Variants in SGCD observed in about 807,000 individuals in gnomAD.
SGCD encodes the protein delta-sarcoglycan.
In SGCD, 18 loss-of-function variants were observed where a neutral mutation model predicts 36.6. The observed-to-expected ratio is 0.49, with a 90% CI of 0.34 to 0.73. The LOEUF is 0.73. Among genes scored for constraint, SGCD ranks in the 30% least tolerant of loss-of-function variants. The pLI is 0.01. For synonymous variants in SGCD, 133 were observed against 130.6 expected, an observed-to-expected ratio of 1.02 and a Z score of -0.12; for missense variants, 387 against 346.7, an observed-to-expected ratio of 1.12 and a Z score of -0.92.
chr5:156,584,061 C>T (rs1253141722), intron 4 of SGCD, among the ~76,000 whole-genome samples: 18 of 152,128 alleles, frequency 1.2e-4, no homozygotes, highest in Admixed American at 1.0e-3. Flanking sequence ...TAGAAACAAA[C>T]GTTTTCTTAC....
In SGCD at chr5:155,932,002, A is replaced by G. The variant is rs551501802; in HGVS notation, c.-282+61578A>G. ...TGTGAAGATTCTCTCCCTGGCCTCT[A>G]TTGTAAGGGCACTAATCCAGTTAAT... On this transcript the variant is annotated intron_variant, in intron 1 of 9. Transcript: ENST00000517913. 2.0e-5 allele frequency among the ~76,000 whole-genome samples: 3 copies of G among 152,238 alleles called. No homozygotes were observed. In the East Asian group the frequency reaches 5.8e-4, roughly 29 times the overall value.
intron 1 of SGCD, among the ~76,000 whole-genome samples, chr5:155,889,009 T>G (rs1335192951): frequency 6.6e-6 from 1 of 152,228 alleles, no homozygotes; most frequent in Non-Finnish European, 1.5e-5. Context: ...GACTTTTTCC[T>G]TCTCTCTACG....
Position 156,757,569 on chromosome 5 carries a change from G to T in SGCD, c.576-12G>T. On this transcript the variant is annotated splice_polypyrimidine_tract_variant and intron_variant, in intron 7 of 8. Transcript: ENST00000337851. Reference sequence around the variant, plus strand: ...AAAGGGATCTTTATTGACGATCTTGGGTGTTTTTCAGGTTGGAGTCCCCAA... The same window carrying T: ...AAAGGGATCTTTATTGACGATCTTGTGTGTTTTTCAGGTTGGAGTCCCCAA... 1 of 1,529,892 alleles carries T rather than the reference G, an allele frequency of 6.5e-7. No individual in the cohort carries two copies. The highest frequency in any genetic ancestry group is 9.0e-7 in the Non-Finnish European group (1 of 1,112,282). The allele number at this position is 1,529,892 out of a possible 1,614,324, so 94.8% of individuals were successfully genotyped here.
intron 3 of SGCD, among the ~76,000 whole-genome samples, chr5:156,236,390 A>G (rs1316455307): frequency 6.6e-6 from 1 of 152,076 alleles, no homozygotes; most frequent in African/African-American, 2.4e-5. Context: ...TCTACTGATA[A>G]TTTTACACAT....
Position 156,461,637 on chromosome 5 carries a change from C to T in SGCD, c.193-46964C>T, listed in dbSNP as rs141291255. Among the ~76,000 whole-genome samples the T allele has an allele frequency of 2.0e-5, 3 of 151,952 alleles. No homozygotes were observed. In the East Asian group the frequency reaches 5.8e-4, roughly 29 times the overall value. ...TTTTCTCGGGTCCTTTCCCTTTTTA[C>T]TTATCAGGAAAGATAAGGACTCTAC... On this transcript the variant is annotated intron_variant, in intron 3 of 8. Transcript: ENST00000337851.
intron 1 of SGCD, among the ~76,000 whole-genome samples, chr5:155,959,477 C>A (rs978735427): frequency 5.3e-5 from 8 of 152,102 alleles, no homozygotes; most frequent in Non-Finnish European, 1.2e-4. Context: ...TTTGTGGAAT[C>A]TTTCTCTTTG....
chr5:156,300,555 C>T (rs868092958), intron 3 of SGCD, among the ~76,000 whole-genome samples: 1 of 152,016 alleles, frequency 6.6e-6, no homozygotes, highest in Non-Finnish European at 1.5e-5. Context: ...TGAGAATGAT[C>T]CATGTGGTGA....
the SGCD span, among the ~76,000 whole-genome samples, chr5:155,729,414 T>A: frequency 2.6e-5 from 4 of 152,028 alleles, no homozygotes; most frequent in Non-Finnish European, 5.9e-5. Context: ...ATTAAAGAAG[T>A]GTGTGTGTGA....
Position 156,350,247 on chromosome 5 carries a change from T to TTATATATATATATATA in SGCD, c.192+5572_192+5587dup, listed in dbSNP as rs59107352. 3.1e-3 allele frequency among the ~76,000 whole-genome samples: 294 copies of TTATATATATATATATA among 95,834 alleles called. 34 individuals carry two copies. Among genetic ancestry groups the TTATATATATATATATA allele is most frequent in the East Asian group, 0.012 (29 of 2,452 alleles). 62.9% of individuals were successfully genotyped at this position (95,834 alleles called of 152,430 possible). ...CTCTAAAGCTATTGAGGAAAAAAAA[T>TTATATATATATATATA]TATATATATATATATATGTACACAC... On this transcript the variant is annotated intron_variant, in intron 3 of 8. Transcript: ENST00000337851.
At chr5:156,204,706 G>T (rs1764232805) in intron 3 of SGCD, among the ~76,000 whole-genome samples, 1 of 152,056 alleles carries the variant, frequency 6.6e-6, no homozygotes, top group South Asian at 2.1e-4. Flanking sequence ...TTATATAGCT[G>T]CTCATATGGG....
intron 3 of SGCD, among the ~76,000 whole-genome samples, chr5:156,158,329 T>A (rs1485747738): frequency 6.6e-6 from 1 of 151,678 alleles, no homozygotes; most frequent in Non-Finnish European, 1.5e-5. Context: ...CTTTTTTCTG[T>A]GAAGTCAAAT....
At chr5:156,410,365 A>G (rs989110844) in intron 3 of SGCD, among the ~76,000 whole-genome samples, 9 of 151,918 alleles carry the variant, frequency 5.9e-5, no homozygotes, top group African/African-American at 1.9e-4. Context: ...GATGAGAACA[A>G]TAGACACTGG....
the SGCD span, among the ~76,000 whole-genome samples, chr5:155,844,002 T>A: frequency 1.3e-5 from 2 of 152,232 alleles, no homozygotes; most frequent in East Asian, 3.8e-4. Context: ...TGCTATACTC[T>A]GAACAAACTC....
chr5:156,468,925 G>A (rs1344579207), intron 3 of SGCD, among the ~76,000 whole-genome samples: 1 of 152,220 alleles, frequency 6.6e-6, no homozygotes, highest in East Asian at 1.9e-4. Context: ...CTGGGAGGCA[G>A]AGGTTGCAGT....
chr5:156,346,954 C>G (rs1046316610), intron 3 of SGCD, among the ~76,000 whole-genome samples: 1 of 151,844 alleles, frequency 6.6e-6, no homozygotes, highest in African/African-American at 2.4e-5. Context: ...CGCACCACCA[C>G]GCCCAGCTAA....
chr5:156,431,295 C>CT lies in SGCD; in HGVS notation c.193-77300dup, dbSNP rs1752999898. Among the ~76,000 whole-genome samples, 3 of 152,282 alleles carry CT rather than the reference C, an allele frequency of 2.0e-5. No homozygotes were observed. In the South Asian group the frequency reaches 6.2e-4, roughly 32 times the overall value. On this transcript the variant is annotated intron_variant, in intron 3 of 8. Coordinates refer to ENST00000337851, the MANE Select transcript of SGCD (RefSeq NM_000337.6). ...TCTCATGCAGGTCTGACTCAGATGT[C>CT]TTTTTTCTTTTTCTTAAGATCTGAT...
chr5:156,292,759 CTAAT>C (rs2127678946), intron 3 of SGCD, among the ~76,000 whole-genome samples: 1 of 152,194 alleles, frequency 6.6e-6, no homozygotes, highest in Admixed American at 6.6e-5. Flanking sequence ...CTTGCTAACA[CTAAT>C]TATTTTCTCT....
At chr5:156,547,365 T>C (rs1209034269) in intron 4 of SGCD, among the ~76,000 whole-genome samples, 2 of 152,136 alleles carry the variant, frequency 1.3e-5, no homozygotes, top group Non-Finnish European at 2.9e-5. Flanking sequence ...GGTTCCCTGG[T>C]TGAGAATAAC....
At chr5:155,916,534 C>T (rs886140775) in intron 1 of SGCD, among the ~76,000 whole-genome samples, 2 of 152,112 alleles carry the variant, frequency 1.3e-5, no homozygotes, top group Non-Finnish European at 2.9e-5. Context: ...GTCATTGTCC[C>T]AAATTGCACT....
Sources: allele counts gnomAD v4.1 joint callset (sites outside exome capture counted in the v4.1 genomes callset), GRCh38; gene constraint gnomAD v4.1.1; transcripts MANE v1.5; gene names NCBI Gene and HGNC (gene_info 2026-07-23, HGNC 2026-07-21).